The following NRIP3 variants were observed in gnomAD, a reference collection of about 807,000 sequenced individuals.
The protein encoded by NRIP3 is nuclear receptor-interacting protein 3.
In NRIP3, 31 loss-of-function variants were observed where a neutral mutation model predicts 29.0. That is an observed-to-expected ratio of 1.07 (90% CI 0.80 to 1.44). NRIP3 has a LOEUF of 1.44. Among genes scored for constraint, NRIP3 ranks in the 40% most tolerant of loss-of-function variants. NRIP3 has a pLI of 0.00. For synonymous variants in NRIP3, 131 were observed against 118.3 expected, an observed-to-expected ratio of 1.11 and a Z score of -0.70; for missense variants, 314 against 297.9, an observed-to-expected ratio of 1.05 and a Z score of -0.40.
intron 1 of NRIP3, among the ~76,000 whole-genome samples, chr11:8,997,173 A>C (rs189244396): frequency 1.3e-5 from 2 of 152,128 alleles, no homozygotes; most frequent in South Asian, 4.2e-4. Flanking sequence ...TCAGGAGATC[A>C]AGACCATCCT....
chr11:8,987,565 G>A lies in NRIP3; in HGVS notation c.405C>T (p.Ala135=), dbSNP rs769981089. Residue 135 remains alanine (A), a synonymous_variant, in exon 3 of 7, where the codon GCC becomes GCT. Transcript: ENST00000309166. ...TGCLYNLISL[A]CVDRLGLKEH... is the part of the protein sequence containing the mutation. ...CTACTTACCCCAATCTGTCCACACAGGCCAAAGAGATGAGATTATATAGGC... is the reference window on the plus strand; with the variant it reads ...CTACTTACCCCAATCTGTCCACACAAGCCAAAGAGATGAGATTATATAGGC... 11 of 1,613,706 alleles carry A rather than the reference G, an allele frequency of 6.8e-6. No homozygotes were observed. The highest frequency in any genetic ancestry group is 1.1e-5 in the South Asian group (1 of 91,078).
chr11:9,000,292 G>C (rs1339626626), intron 1 of NRIP3, among the ~76,000 whole-genome samples: 1 of 152,148 alleles, frequency 6.6e-6, no homozygotes. Context: ...GCCAGATCTT[G>C]GTGTTATACT....
In NRIP3 at chr11:8,980,830, C is replaced by CT. The variant is rs1854403725; in HGVS notation, c.*2714dup. 6.6e-6 allele frequency: 1 copy of CT among 152,146 alleles called. No homozygotes were observed. Among genetic ancestry groups the CT allele is most frequent in the South Asian group, 2.1e-4 (1 of 4,826 alleles). 9.4% of individuals were successfully genotyped at this position (152,146 alleles called of 1,614,324 possible). A position where few individuals can be genotyped will look rare whatever the true frequency, so the allele number is the denominator to read the frequency against. On this transcript the variant is annotated 3_prime_UTR_variant, in exon 7 of 7. Coordinates refer to ENST00000309166, the MANE Select transcript of NRIP3 (RefSeq NM_020645.3). Reference sequence around the variant, plus strand: ...AATAGAAAATTGTACCAGGTAGGGTCTGTGCAGGGCAAGAAAATAGAAAGA... The same window carrying CT: ...AATAGAAAATTGTACCAGGTAGGGTCTTGTGCAGGGCAAGAAAATAGAAAGA...
intron 1 of NRIP3, among the ~76,000 whole-genome samples, chr11:8,990,808 G>T (rs1854586048): frequency 6.6e-6 from 1 of 151,146 alleles, no homozygotes; most frequent in Non-Finnish European, 1.5e-5. Context: ...ATAAATAAAT[G>T]AACAAATACA....
rs553707256 is a variant in NRIP3 at position 8,982,971 on chromosome 11, C to T, written c.*574G>A. On this transcript the variant is annotated 3_prime_UTR_variant, in exon 7 of 7. Transcript: ENST00000309166. The stretch of plus-strand genomic sequence containing the variant: ...TTCAGTCACTGACCTAATATATGAA[C>T]TTAGACAATTCACTTGCCTCTCTGG... 4.7e-4 allele frequency: 215 copies of T among 456,476 alleles called. No individual in the cohort carries two copies. Among genetic ancestry groups the T allele is most frequent in the African/African-American group, 4.0e-3 (198 of 50,106 alleles). 28.3% of individuals were successfully genotyped at this position (456,476 alleles called of 1,614,324 possible).
chr11:8,992,556 A>C (rs910188163), intron 1 of NRIP3, among the ~76,000 whole-genome samples: 1 of 152,276 alleles, frequency 6.6e-6, no homozygotes, highest in Non-Finnish European at 1.5e-5. Flanking sequence ...ATTAGGAATC[A>C]GAATAGTAGA....
chr11:9,001,720 C>T (rs1453474918), intron 1 of NRIP3, among the ~76,000 whole-genome samples: 1 of 151,662 alleles, frequency 6.6e-6, no homozygotes, highest in Admixed American at 6.5e-5. Flanking sequence ...AACAACAGTT[C>T]CAAGAGAGTT....
Position 8,985,842 on chromosome 11 carries a change from T to C in NRIP3, c.431A>G (p.Glu144Gly), listed in dbSNP as rs1367834586. 1 of 1,614,120 alleles carries C rather than the reference T, an allele frequency of 6.2e-7. No individual in the cohort carries two copies. The highest frequency in any genetic ancestry group is 1.7e-5 in the Admixed American group (1 of 60,014). The change falls in exon 4 of 7, where the codon GAG becomes GGG. Residue 144 changes from glutamate to glycine, a missense_variant. Transcript: ENST00000309166. ...TTCATGCTTGTGGGATTTGACATGC[T>C]CCTTGAGTCTGTACCAAAGAGGAAG... ...LACVDRLGLK[E>G]HVKSHKHEGE...
chr11:9,002,084 A>G (rs1317124624), intron 1 of NRIP3, among the ~76,000 whole-genome samples: 1 of 152,256 alleles, frequency 6.6e-6, no homozygotes. Flanking sequence ...ATGAAGTAGT[A>G]TAAGAAATCC....
chr11:8,984,135 CA>C lies in NRIP3; in HGVS notation c.563-12del, dbSNP rs754232327. The C allele has an allele frequency of 6.9e-6, 11 of 1,594,116 alleles. No homozygotes were observed. Among genetic ancestry groups the C allele is most frequent in the Non-Finnish European group, 8.6e-6 (10 of 1,163,400 alleles). On this transcript the variant is annotated splice_polypyrimidine_tract_variant and intron_variant, in intron 4 of 6. Transcript: ENST00000309166. ...TTTTCTCATTGTCATCTAATAAAAA[CA>C]AAAAAATGATTAAGATTTAGCCATT... is the stretch of plus-strand genomic sequence containing the variant.
intron 1 of NRIP3, among the ~76,000 whole-genome samples, chr11:8,996,982 G>A (rs1346176224): frequency 6.6e-6 from 1 of 152,222 alleles, no homozygotes; most frequent in African/African-American, 2.4e-5. Flanking sequence ...GGGAGCTGAG[G>A]TGGGAGGATC....
At chr11:8,989,976 A>C (rs893128834) in intron 1 of NRIP3, among the ~76,000 whole-genome samples, 1 of 152,110 alleles carries the variant, frequency 6.6e-6, no homozygotes, top group Non-Finnish European at 1.5e-5. Context: ...TGGTCTTGCT[A>C]AACACTTTAT....
intron 1 of NRIP3, among the ~76,000 whole-genome samples, chr11:9,000,131 C>A (rs1284870857): frequency 6.6e-6 from 1 of 152,090 alleles, no homozygotes; most frequent in African/African-American, 2.4e-5. Flanking sequence ...TCCTTCCCTG[C>A]CCCCAACCTA....
chr11:8,984,438 T>A (rs913509743), intron 4 of NRIP3, among the ~76,000 whole-genome samples: 3 of 152,100 alleles, frequency 2.0e-5, no homozygotes, highest in Non-Finnish European at 2.9e-5. Context: ...AATTTGTGTA[T>A]TTTTAGTAGA....
rs1194426354 is a variant in NRIP3 at position 8,982,383 on chromosome 11, A to G, written c.*1162T>C. ...CATTCCCTGCCTCCCAGAAAGGTTT[A>G]TCTAGATAGGCCTCTCCACCAACTG... On this transcript the variant is annotated 3_prime_UTR_variant, in exon 7 of 7. Coordinates refer to ENST00000309166, the MANE Select transcript of NRIP3 (RefSeq NM_020645.3). The G allele has an allele frequency of 6.6e-6, 1 of 152,602 alleles. No individual in the cohort carries two copies. The highest frequency in any genetic ancestry group is 1.5e-5 in the Non-Finnish European group (1 of 68,374). 9.5% of individuals were successfully genotyped at this position (152,602 alleles called of 1,614,324 possible).
At chr11:8,998,784 A>ATTTTTTTTTTT (rs767253373) in intron 1 of NRIP3, among the ~76,000 whole-genome samples, 1 of 77,570 alleles carries the variant, frequency 1.3e-5, no homozygotes, top group Non-Finnish European at 2.5e-5. Flanking sequence ...CAAACTCTTC[A>ATTTTTTTTTTT]TTTTTTTTTT....
chr11:8,983,841 G>A, intron 6 of NRIP3, 34 bp downstream of exon 6: 1 of 1,545,704 alleles, frequency 6.5e-7, no homozygotes, highest in Non-Finnish European at 8.9e-7. Flanking sequence ...ATGACAAATG[G>A]ATGTGACTTG....
chr11:8,983,914 TCTTC>T lies in NRIP3; in HGVS notation c.667_670del (p.Glu223LysfsTer10), dbSNP rs1435959919. On this transcript the variant is annotated frameshift_variant, in exon 6 of 7. Transcript: ENST00000309166. LOFTEE classifies it high-confidence loss of function. ...AGAGACTGTCTCCACAAAAGGGATTTCTTCCTTGTCTGTCTTCCCCATGATCAGC... is the reference window on the plus strand; with the variant it reads ...AGAGACTGTCTCCACAAAAGGGATTTCTTGTCTGTCTTCCCCATGATCAGC... The T allele has an allele frequency of 2.5e-6, 4 of 1,614,110 alleles. No individual in the cohort carries two copies. The highest frequency in any genetic ancestry group is 2.2e-5 in the East Asian group (1 of 44,894).
intron 3 of NRIP3, among the ~76,000 whole-genome samples, chr11:8,987,127 A>G (rs11042148): frequency 0.21 from 32,173 of 152,114 alleles, 3,529 homozygotes; most frequent in East Asian, 0.36. Flanking sequence ...GGGACCTGCA[A>G]TGCATCCTCC....
Sources: allele counts gnomAD v4.1 joint callset (sites outside exome capture counted in the v4.1 genomes callset), GRCh38; gene constraint gnomAD v4.1.1; transcripts MANE v1.5; gene names NCBI Gene and HGNC (gene_info 2026-07-23, HGNC 2026-07-21).